IMMP2L: variants seen among roughly 807,000 people sequenced by gnomAD.
IMMP2L encodes inner mitochondrial membrane peptidase subunit 2.
Under a neutral mutation model 19.3 loss-of-function variants are expected in IMMP2L, and 18 were observed. That is an observed-to-expected ratio of 0.93 (90% CI 0.64 to 1.38). The LOEUF is 1.38. IMMP2L is among the 40% of genes most tolerant of loss of function. The pLI is 0.00. For synonymous variants in IMMP2L, 76 were observed against 73.0 expected (o/e 1.04, Z -0.21); for missense variants, 233 against 218.2 (o/e 1.07, Z -0.43).
intron 5 of IMMP2L, among the ~76,000 whole-genome samples, chr7:110,696,000 G>T (rs2130590203): frequency 6.6e-6 from 1 of 152,284 alleles, no homozygotes; most frequent in South Asian, 2.1e-4. Flanking sequence ...GTACATGTCA[G>T]GATCATTCAG....
intron 3 of IMMP2L, among the ~76,000 whole-genome samples, chr7:111,196,032 C>G (rs1809461343): frequency 6.6e-6 from 1 of 152,048 alleles, no homozygotes; most frequent in East Asian, 1.9e-4. Flanking sequence ...CCACATCCAC[C>G]GTTTTGTTTT....
At chr7:111,422,992 T>C (rs540813705) in intron 3 of IMMP2L, among the ~76,000 whole-genome samples, 201 of 151,970 alleles carry the variant, frequency 1.3e-3, no homozygotes, top group South Asian at 8.1e-3. Flanking sequence ...GTTTTTGTCA[T>C]TGGTTCTGTT....
At chr7:110,692,262 C>G (rs569252614) in intron 5 of IMMP2L, among the ~76,000 whole-genome samples, 1 of 152,226 alleles carries the variant, frequency 6.6e-6, no homozygotes, top group South Asian at 2.1e-4. Flanking sequence ...AAATACCATA[C>G]GTTCTCATTC....
At chr7:111,265,491 C>A in intron 3 of IMMP2L, among the ~76,000 whole-genome samples, 1 of 152,096 alleles carries the variant, frequency 6.6e-6, no homozygotes, top group East Asian at 1.9e-4. Context: ...CAATTCTTAT[C>A]ATCAAGGATT....
intron 3 of IMMP2L, among the ~76,000 whole-genome samples, chr7:111,002,255 G>T (rs1243275219): frequency 2.0e-5 from 3 of 152,132 alleles, no homozygotes; most frequent in Admixed American, 2.0e-4. Context: ...AGCCTCTCCA[G>T]CCCAGAGGGA....
chr7:111,065,916 G>A (rs1028754870), intron 3 of IMMP2L, among the ~76,000 whole-genome samples: 14 of 151,636 alleles, frequency 9.2e-5, no homozygotes, highest in African/African-American at 2.7e-4. Flanking sequence ...GTGTGTGTGC[G>A]CGCGCGTGTA....
chr7:111,004,834 C>G lies in IMMP2L; in HGVS notation c.240-41269G>C, dbSNP rs528767301. ...TATTTAACTTTTAGAAATAAATCCA[C>G]TAATAAAATAACAGCATTTGGGAAT... is the stretch of plus-strand genomic sequence containing the variant. On this transcript the variant is annotated intron_variant, in intron 3 of 5. Transcript: ENST00000405709. Among the ~76,000 whole-genome samples the G allele has an allele frequency of 2.4e-4, 37 of 151,872 alleles. 1 individual carries two copies. In the South Asian group the frequency reaches 7.3e-3, roughly 30 times the overall value.
chr7:111,395,666 T>C (rs995838397), intron 3 of IMMP2L, among the ~76,000 whole-genome samples: 1 of 152,194 alleles, frequency 6.6e-6, no homozygotes, highest in Admixed American at 6.5e-5. Flanking sequence ...ATTGAAAGCA[T>C]AGTATAATTT....
chr7:111,217,302 A>G (rs189156247), intron 3 of IMMP2L, among the ~76,000 whole-genome samples: 1 of 152,214 alleles, frequency 6.6e-6, no homozygotes, highest in African/African-American at 2.4e-5. Flanking sequence ...AGGAGAATCA[A>G]TTCAAGAAAC....
At chr7:111,154,562 A>G (rs1804429976) in intron 3 of IMMP2L, among the ~76,000 whole-genome samples, 1 of 152,178 alleles carries the variant, frequency 6.6e-6, no homozygotes, top group African/African-American at 2.4e-5. Context: ...TAGTGACGGA[A>G]AACCAATACT....
chr7:111,174,477 C>G (rs1333645271), intron 3 of IMMP2L, among the ~76,000 whole-genome samples: 2 of 151,672 alleles, frequency 1.3e-5, no homozygotes, highest in African/African-American at 4.8e-5. Context: ...TTTTCAGCTC[C>G]TACCTCACTC....
chr7:110,808,913 G>A (rs966736559), intron 5 of IMMP2L, among the ~76,000 whole-genome samples: 4 of 151,890 alleles, frequency 2.6e-5, no homozygotes, highest in African/African-American at 9.7e-5. Context: ...CATAATCCTC[G>A]ACATCATAAA....
In IMMP2L at chr7:110,999,607, T is replaced by TAA. The variant is rs150912208; in HGVS notation, c.240-36044_240-36043dup. On this transcript the variant is annotated intron_variant, in intron 3 of 5. Transcript: ENST00000405709. ...AACACTTCTAAATATTTTCGATGAATAAAAAAAAAAAAAAAACCAAGATAC... is the reference window on the plus strand; with the variant it reads ...AACACTTCTAAATATTTTCGATGAATAAAAAAAAAAAAAAAAAACCAAGATAC... Among the ~76,000 whole-genome samples the TAA allele has an allele frequency of 9.5e-3, 1,254 of 132,254 alleles. 21 individuals carry two copies. The highest frequency in any genetic ancestry group is 0.031 in the African/African-American group (1,154 of 36,728). The allele number at this position is 132,254 out of a possible 152,430, so 86.8% of individuals were successfully genotyped here. A position where few individuals can be genotyped will look rare whatever the true frequency, so the allele number is the denominator to read the frequency against.
chr7:111,016,438 G>T, intron 3 of IMMP2L, among the ~76,000 whole-genome samples: 1 of 129,272 alleles, frequency 7.7e-6, no homozygotes. Context: ...TTATATTTCA[G>T]ATAATTATAT....
chr7:111,420,845 T>C (rs1349097715), intron 3 of IMMP2L, among the ~76,000 whole-genome samples: 1 of 151,814 alleles, frequency 6.6e-6, no homozygotes, highest in Non-Finnish European at 1.5e-5. Flanking sequence ...TTTGCTATTG[T>C]GAATAGTGCT....
At chr7:111,124,882 C>T in intron 3 of IMMP2L, 1 of 1,581,752 alleles carries the variant, frequency 6.3e-7, no homozygotes, top group South Asian at 1.2e-5. Flanking sequence ...TATAGGTTTA[C>T]CAACAAATAT....
intron 3 of IMMP2L, among the ~76,000 whole-genome samples, chr7:111,140,986 T>C (rs1303021254): frequency 6.6e-6 from 1 of 152,168 alleles, no homozygotes; most frequent in Non-Finnish European, 1.5e-5. Flanking sequence ...ACTTGGGTGA[T>C]GAAGTGGTTT....
At chr7:111,045,879 T>C (rs1792343723) in intron 3 of IMMP2L, among the ~76,000 whole-genome samples, 1 of 152,174 alleles carries the variant, frequency 6.6e-6, no homozygotes, top group East Asian at 1.9e-4. Context: ...GTTAATTTGC[T>C]ATAACAGCAA....
intron 3 of IMMP2L, among the ~76,000 whole-genome samples, chr7:111,371,387 G>A (rs554177035): frequency 6.6e-6 from 1 of 152,092 alleles, no homozygotes; most frequent in African/African-American, 2.4e-5. Flanking sequence ...CTGGGGTTGT[G>A]GTGACTTTCC....
Sources: allele counts gnomAD v4.1 joint callset (sites outside exome capture counted in the v4.1 genomes callset), GRCh38; gene constraint gnomAD v4.1.1; transcripts MANE v1.5; gene names NCBI Gene and HGNC (gene_info 2026-07-23, HGNC 2026-07-21).